Variants in COPB1 observed in about 807,000 individuals in gnomAD.
COPB1 encodes coat protein complex I subunit beta 1.
Under a neutral mutation model 108.7 loss-of-function variants are expected in COPB1, and 21 were observed. That is an observed-to-expected ratio of 0.19 (90% CI 0.14 to 0.28). The LOEUF is 0.28. Among genes scored for constraint, COPB1 ranks in the 10% least tolerant of loss-of-function variants. The pLI is 1.00. For missense variants in COPB1, 919 were observed against 1,141.3 expected, an observed-to-expected ratio of 0.81 and a Z score of 2.81; for synonymous variants, 378 against 386.8, an observed-to-expected ratio of 0.98 and a Z score of 0.27.
In COPB1 at chr11:14,499,706, C is replaced by T. The variant is rs911515688; in HGVS notation, c.-58+1G>A. ...AGTTCTTCCGACTCTGCCCGACCCA[C>T]CACGCCTCTGGGACTGGGGGCTTGT... On this transcript the variant is annotated splice_donor_variant, in intron 1 of 21. Coordinates refer to ENST00000439561, the MANE Select transcript of COPB1 (RefSeq NM_001144061.2). LOFTEE classifies it low-confidence loss of function (5UTR_SPLICE). 3 of 152,502 alleles carry T rather than the reference C, an allele frequency of 2.0e-5. No homozygotes were observed. Among genetic ancestry groups the T allele is most frequent in the Non-Finnish European group, 4.4e-5 (3 of 68,326 alleles). The allele number at this position is 152,502 out of a possible 1,614,324, so 9.4% of individuals were successfully genotyped here.
rs1401063512 is a variant in COPB1, at chr11:14,460,270, A to T, written c.2584T>A (p.Leu862Ile). The change falls in exon 20 of 22, where the codon TTA (leucine) becomes ATA (isoleucine). Residue 862 changes from leucine (L) to isoleucine (I), a missense_variant. Around this residue, in one of 5 missense-constraint regions of COPB1, gnomAD observed 705 missense variants for 817.8 expected, o/e 0.86. Coordinates refer to ENST00000439561, the MANE Select transcript of COPB1 (RefSeq NM_001144061.2). ...AATATGTGCTGTAAGTAGTCATTTA[A>T]ATCAACCATGTTGGTGTTAACTGTC... ...KVTVNTNMVD[L>I]NDYLQHILKS... 1 of 1,611,364 alleles carries T rather than the reference A, an allele frequency of 6.2e-7. No individual in the cohort carries two copies. Among genetic ancestry groups the T allele is most frequent in the South Asian group, 1.1e-5 (1 of 90,626 alleles).
chr11:14,477,317 G>A (rs866854409), intron 11 of COPB1, among the ~76,000 whole-genome samples: 11 of 144,028 alleles, frequency 7.6e-5, no homozygotes, highest in Non-Finnish European at 1.4e-4. Context: ...CCATTCTCGG[G>A]AAGCGGAGCT....
Position 14,483,157 on chromosome 11 carries a change from T to TA in COPB1, c.838-7dup. Reference sequence around the variant, plus strand: ...ATGTAACACTGAGCAGCAGCCTATATAAAAAAAGAAATACATTTTAAGAAG... The same window carrying TA: ...ATGTAACACTGAGCAGCAGCCTATATAAAAAAAAGAAATACATTTTAAGAAG... On this transcript the variant is annotated splice_region_variant and splice_polypyrimidine_tract_variant and intron_variant, in intron 7 of 21. Coordinates refer to ENST00000439561, the MANE Select transcript of COPB1 (RefSeq NM_001144061.2). 1.3e-6 allele frequency: 2 copies of TA among 1,528,616 alleles called. No individual in the cohort carries two copies. The highest frequency in any genetic ancestry group is 8.8e-7 in the Non-Finnish European group (1 of 1,130,532). The allele number at this position is 1,528,616 out of a possible 1,614,324, so 94.7% of individuals were successfully genotyped here. A position where few individuals can be genotyped will look rare whatever the true frequency, so the allele number is the denominator to read the frequency against.
At position 14,468,875 on chromosome 11, in the gene COPB1, T is replaced by C. The variant is rs775278671; in HGVS notation, c.1966-15A>G. The C allele has an allele frequency of 6.9e-6, 11 of 1,603,848 alleles. No homozygotes were observed. In the Admixed American group the frequency reaches 1.5e-4, roughly 22 times the overall value. On this transcript the variant is annotated splice_polypyrimidine_tract_variant and intron_variant, in intron 15 of 21. Transcript: ENST00000439561. ...TCAGATTCTTTCTGTGTTGAGAATA[T>C]AACAAAGTCTCTCTTTAATATGAAA...
intron 4 of COPB1, 79 bp from the exon 5 acceptor site, chr11:14,490,758 AT>A: frequency 2.8e-6 from 2 of 721,284 alleles, no homozygotes; most frequent in Non-Finnish European, 2.2e-6. Context: ...CAATACCAAA[AT>A]TAAATTTAAT....
intron 11 of COPB1, among the ~76,000 whole-genome samples, chr11:14,477,393 A>AAAAAAAAAAAC (rs1328057570): frequency 6.9e-6 from 1 of 144,892 alleles, no homozygotes; most frequent in East Asian, 2.1e-4. Context: ...CCGTCTCAAA[A>AAAAAAAAAAAC]AAAAAAAAAA....
intron 18 of COPB1, among the ~76,000 whole-genome samples, chr11:14,462,894 T>C (rs933331173): frequency 4.6e-5 from 7 of 152,200 alleles, no homozygotes; most frequent in African/African-American, 7.2e-5. Context: ...TTGCCTTCTC[T>C]TCTTGGTACT....
chr11:14,464,470 C>T (rs1850233884), intron 18 of COPB1, among the ~76,000 whole-genome samples: 1 of 152,158 alleles, frequency 6.6e-6, no homozygotes, highest in African/African-American at 2.4e-5. Flanking sequence ...AATAAGCTTA[C>T]TGACTGAATG....
chr11:14,470,944 A>ACACACTCTCTCTCT (rs1285522756), intron 14 of COPB1, among the ~76,000 whole-genome samples: 5 of 90,154 alleles, frequency 5.5e-5, no homozygotes, highest in African/African-American at 2.6e-4. Context: ...ACACACACAC[A>ACACACTCTCTCTCT]CTCTCTCTCT....
At chr11:14,463,281 T>A (rs900481809) in intron 18 of COPB1, among the ~76,000 whole-genome samples, 53 of 152,176 alleles carry the variant, frequency 3.5e-4, no homozygotes, top group African/African-American at 1.1e-3. Context: ...TCTATTCCTA[T>A]GGCTTTTAAA....
At chr11:14,488,072 T>C (rs1850816352) in intron 6 of COPB1, among the ~76,000 whole-genome samples, 1 of 152,268 alleles carries the variant, frequency 6.6e-6, no homozygotes, top group African/African-American at 2.4e-5. Flanking sequence ...GTCATATTAA[T>C]GCATTTAAAG....
intron 18 of COPB1, among the ~76,000 whole-genome samples, chr11:14,463,552 T>G (rs893628499): frequency 6.6e-6 from 1 of 152,142 alleles, no homozygotes; most frequent in Admixed American, 6.5e-5. Context: ...ACTCCTGATC[T>G]CAGGTAATCT....
At chr11:14,482,394 C>G (rs1296521098) in intron 8 of COPB1, among the ~76,000 whole-genome samples, 1 of 152,056 alleles carries the variant, frequency 6.6e-6, no homozygotes, top group East Asian at 1.9e-4. Context: ...ATCAGATCAC[C>G]TTTTATTCTC....
Position 14,477,937 on chromosome 11 carries a change from C to T in COPB1, c.1359-922G>A, listed in dbSNP as rs554541786. 1.1e-4 allele frequency among the ~76,000 whole-genome samples: 17 copies of T among 149,890 alleles called. No individual in the cohort carries two copies. In the South Asian group the frequency reaches 3.6e-3, roughly 32 times the overall value. Reference sequence around the variant, plus strand: ...AAAAGAACTGCCTGAATCCAGGAGGCGGAGGTTGCAATGCCCTGAGATAGC... The same window carrying T: ...AAAAGAACTGCCTGAATCCAGGAGGTGGAGGTTGCAATGCCCTGAGATAGC... On this transcript the variant is annotated intron_variant, in intron 11 of 21. Transcript: ENST00000439561.
chr11:14,470,625 T>C (rs983907795), intron 14 of COPB1, among the ~76,000 whole-genome samples: 1 of 152,012 alleles, frequency 6.6e-6, no homozygotes, highest in Non-Finnish European at 1.5e-5. Flanking sequence ...GAAAAACTAC[T>C]GGAGGCCTGG....
chr11:14,464,803 G>T, intron 18 of COPB1, 108 bp downstream of exon 18: 2 of 1,197,208 alleles, frequency 1.7e-6, no homozygotes, highest in Non-Finnish European at 2.3e-6. Flanking sequence ...CATAAATTAT[G>T]AATAAATGGA....
At chr11:14,487,851 C>T (rs1055715890) in intron 6 of COPB1, among the ~76,000 whole-genome samples, 1 of 152,140 alleles carries the variant, frequency 6.6e-6, no homozygotes, top group African/African-American at 2.4e-5. Flanking sequence ...ACCATACTAT[C>T]ATATTTAATA....
At position 14,498,839 on chromosome 11, in the gene COPB1, T is replaced by C. The variant is rs1778540029; in HGVS notation, c.90A>G (p.Leu30=). 6.3e-7 allele frequency: 1 copy of C among 1,596,096 alleles called. No individual in the cohort carries two copies. The highest frequency in any genetic ancestry group is 1.8e-5 in the Admixed American group (1 of 56,734). The part of the protein sequence containing the change: ...PPSEISLKND[L]EKGDVKSKTE... ...TCTCAAAATAATATCGAAGTTTACC[T>C]AGATCATTTTTTAAGCTAATTTCAG... Residue 30 remains leucine (L), a splice_region_variant and synonymous_variant, in exon 2 of 22, where the codon CTA becomes CTG. Transcript: ENST00000439561.
intron 5 of COPB1, among the ~76,000 whole-genome samples, chr11:14,489,049 G>A (rs1398244995): frequency 1.3e-5 from 2 of 152,176 alleles, no homozygotes; most frequent in Non-Finnish European, 2.9e-5. Context: ...GCCCCTCAAT[G>A]TAGGTTAACA....
Sources: allele counts gnomAD v4.1 joint callset (sites outside exome capture counted in the v4.1 genomes callset), GRCh38; gene constraint gnomAD v4.1.1; regional missense constraint gnomAD v4.1.1; transcripts MANE v1.5; gene names NCBI Gene and HGNC (gene_info 2026-07-23, HGNC 2026-07-21).